The following CD82 variants were observed in gnomAD, a reference collection of about 807,000 sequenced individuals.
The protein encoded by CD82 is CD82 antigen.
CD82 carries 36 observed loss-of-function variants against 37.4 expected under a neutral mutation model. The observed-to-expected ratio is 0.96, with a 90% CI of 0.74 to 1.27. The LOEUF is 1.27. Among genes scored for constraint, CD82 ranks in the 50% most tolerant of loss-of-function variants. CD82 has a pLI of 0.00. For synonymous variants in CD82, 158 were observed against 137.4 expected, an observed-to-expected ratio of 1.15 and a Z score of -1.05; for missense variants, 340 against 347.0, an observed-to-expected ratio of 0.98 and a Z score of 0.16.
intron 2 of CD82, among the ~76,000 whole-genome samples, chr11:44,590,514 G>A (rs1313066900): frequency 6.7e-6 from 1 of 148,404 alleles, no homozygotes; most frequent in East Asian, 2.0e-4. Context: ...GGGAGGCTGA[G>A]GCAGGAGAAT....
chr11:44,567,448 G>A (rs548376493), intron 1 of CD82, among the ~76,000 whole-genome samples: 3 of 152,046 alleles, frequency 2.0e-5, no homozygotes, highest in Admixed American at 2.0e-4. Context: ...CAGGGCAGGG[G>A]GTGGGGGTAA....
intron 6 of CD82, among the ~76,000 whole-genome samples, chr11:44,612,025 T>G (rs1290356358): frequency 6.6e-6 from 1 of 152,162 alleles, no homozygotes; most frequent in Non-Finnish European, 1.5e-5. Context: ...AGAGGCAGCT[T>G]TCCGCACAGA....
rs115026220 is a variant in CD82 at position 44,590,191 on chromosome 11, G to A, written c.-21+2635G>A. 9.2e-3 allele frequency among the ~76,000 whole-genome samples: 1,353 copies of A among 147,788 alleles called. 21 individuals are homozygous for A. The highest frequency in any genetic ancestry group is 0.033 in the African/African-American group (1,294 of 39,674). On this transcript the variant is annotated intron_variant, in intron 2 of 9. Transcript: ENST00000227155. ...CGCCATTTGATCCTCTACACCAGGG[G>A]CCAGCAGGCTTTTTCTGTAAAGGGC...
chr11:44,617,096 G>A (rs1314433626), intron 7 of CD82, among the ~76,000 whole-genome samples: 1 of 152,136 alleles, frequency 6.6e-6, no homozygotes, highest in Non-Finnish European at 1.5e-5. Context: ...TCGGAGCTAG[G>A]AAGGAAGCGG....
At chr11:44,611,558 A>G (rs373889982) in intron 6 of CD82, among the ~76,000 whole-genome samples, 29 of 152,212 alleles carry the variant, frequency 1.9e-4, no homozygotes, top group African/African-American at 7.0e-4. Context: ...TCCATGGAGA[A>G]ATAGAAGGGT....
chr11:44,595,118 G>A (rs577549440), intron 3 of CD82: 24 of 218,464 alleles, frequency 1.1e-4, no homozygotes, highest in Non-Finnish European at 1.7e-4. Context: ...GAATTGACCT[G>A]TGACAGTTCC....
chr11:44,618,711 G>A lies in CD82; in HGVS notation c.714G>A (p.Val238=). 3.1e-6 allele frequency: 5 copies of A among 1,613,350 alleles called. No individual in the cohort carries two copies. Among genetic ancestry groups the A allele is most frequent in the Admixed American group, 1.7e-5 (1 of 60,026 alleles). ...TCATCCTCGGCGTGGGCGTGGGTGT[G>A]GCCATCATCGAGGTCTGAGCCCCCT... ...LGIILGVGVG[V]AIIELLGMVL... Residue 238 remains valine (V), a synonymous_variant, in exon 9 of 10, where the codon GTG becomes GTA. Transcript: ENST00000227155.
rs1853633557 is a variant in CD82, at chr11:44,619,735, G to A, written c.*609G>A. On this transcript the variant is annotated 3_prime_UTR_variant, in exon 10 of 10. Coordinates refer to ENST00000227155, the MANE Select transcript of CD82 (RefSeq NM_002231.4). ...GCTGAGATCGTGCTACTGCACTCCA[G>A]CCTGGGGGACAGAAAGAGACTCCGT... 8.1e-6 allele frequency: 1 copy of A among 123,336 alleles called. No homozygotes were observed. The allele number at this position is 123,336 out of a possible 1,614,324, so 7.6% of individuals were successfully genotyped here. A position where few individuals can be genotyped will look rare whatever the true frequency, so the allele number is the denominator to read the frequency against.
At chr11:44,603,899 G>A (rs575372171) in intron 4 of CD82, among the ~76,000 whole-genome samples, 4 of 152,238 alleles carry the variant, frequency 2.6e-5, no homozygotes, top group East Asian at 1.9e-4. Flanking sequence ...TCACTGGTCC[G>A]TTCTCTCACC....
At chr11:44,588,731 G>T (rs1853097482) in intron 2 of CD82, among the ~76,000 whole-genome samples, 1 of 152,168 alleles carries the variant, frequency 6.6e-6, no homozygotes, top group African/African-American at 2.4e-5. Context: ...ACCAACATGT[G>T]TCTTGGGGGT....
upstream of CD82, among the ~76,000 whole-genome samples, chr11:44,565,195 C>CTGGGCT (rs1391765225): frequency 2.6e-5 from 4 of 152,210 alleles, no homozygotes; most frequent in African/African-American, 7.2e-5. Context: ...GGCGCTGAGC[C>CTGGGCT]CAGGCTGGTG....
chr11:44,600,726 A>G (rs966470332), intron 4 of CD82, among the ~76,000 whole-genome samples: 2 of 152,152 alleles, frequency 1.3e-5, no homozygotes, highest in African/African-American at 4.8e-5. Context: ...ACAGTCACCA[A>G]TTATCAGGCT....
At chr11:44,565,777 A>G (rs1852724390) in intron 1 of CD82, 41 bp downstream of exon 1, 1 of 152,308 alleles carries the variant, frequency 6.6e-6, no homozygotes, top group African/African-American at 2.4e-5. Flanking sequence ...CTGCCGGACA[A>G]CCATAGGCAA....
intron 6 of CD82, among the ~76,000 whole-genome samples, chr11:44,611,738 C>T (rs760942470): frequency 1.3e-5 from 2 of 152,222 alleles, no homozygotes; most frequent in African/African-American, 2.4e-5. Flanking sequence ...CACAGGCCTC[C>T]TGAGCATCAG....
chr11:44,618,473 C>A, intron 8 of CD82, 108 bp downstream of exon 8: 2 of 1,092,944 alleles, frequency 1.8e-6, no homozygotes, highest in Non-Finnish European at 2.7e-6. Context: ...CTTAATTCAT[C>A]TGTCATTTGT....
chr11:44,615,361 C>A lies in CD82; in HGVS notation c.426C>A (p.Tyr142Ter). The change falls in exon 7 of 10, where the codon TAC becomes TAA. Residue 142 changes from tyrosine to a stop codon, truncating the protein, a stop_gained. Transcript: ENST00000227155. LOFTEE classifies it high-confidence loss of function. ...ACAGCCTGCAGGATGCCTGGGACTA[C>A]GTGCAGGCTCAGGTGAGGTGGGGCG... ...REDSLQDAWDYVQAQVKCCGW... is the reference protein window; with the variant it reads ...REDSLQDAWD 1 of 1,609,026 alleles carries A rather than the reference C, an allele frequency of 6.2e-7. No homozygotes were observed. The highest frequency in any genetic ancestry group is 1.1e-5 in the South Asian group (1 of 90,984).
At chr11:44,594,778 G>A (rs558874633) in intron 3 of CD82, 53 bp downstream of exon 3, 1 of 1,474,134 alleles carries the variant, frequency 6.8e-7, no homozygotes, top group East Asian at 2.3e-5. Flanking sequence ...CTCCTTCCAG[G>A]GGCATCCCAG....
At chr11:44,605,500 A>T in intron 6 of CD82, 71 bp downstream of exon 6, 1 of 1,406,036 alleles carries the variant, frequency 7.1e-7, no homozygotes, top group South Asian at 1.2e-5. Flanking sequence ...AGTGTGGGGG[A>T]TGGACAAGGA....
chr11:44,600,139 T>G lies in CD82; in HGVS notation c.64-19T>G, dbSNP rs989203900. 3 of 1,613,770 alleles carry G rather than the reference T, an allele frequency of 1.9e-6. No individual in the cohort carries two copies. Among genetic ancestry groups the G allele is most frequent in the Non-Finnish European group, 2.5e-6 (3 of 1,179,700 alleles). On this transcript the variant is annotated intron_variant, in intron 3 of 9. Coordinates refer to ENST00000227155, the MANE Select transcript of CD82 (RefSeq NM_002231.4). ...TATCTGCTCTTGGCTCCCCATTAAC[T>G]GCTCCCTTCTCCTTCCAGATCCTGG...
Sources: gnomAD v4.1 joint callset for allele counts (sites outside exome capture counted in the v4.1 genomes callset) on GRCh38, gnomAD v4.1.1 for gene constraint, MANE v1.5 for transcripts, NCBI Gene and HGNC (gene_info 2026-07-23, HGNC 2026-07-21) for gene names.